TBC1D4: variants seen among roughly 807,000 people sequenced by gnomAD.
The protein encoded by TBC1D4 is TBC (Tre-2, BUB2, CDC16) domain-containing protein.
A neutral mutation model predicts 142.5 loss-of-function variants in TBC1D4; 121 were observed. The observed-to-expected ratio is 0.85, with a 90% CI of 0.73 to 0.99. TBC1D4 has a LOEUF of 0.99. TBC1D4 is among the 50% of genes least tolerant of loss of function. The probability of loss-of-function intolerance (pLI) is 0.00; values close to 1 mark genes in which losing one functional copy is unlikely to be tolerated. For synonymous variants in TBC1D4, 630 were observed against 628.2 expected, an observed-to-expected ratio of 1.00 and a Z score of -0.04; for missense variants, 1,475 against 1,606.6, an observed-to-expected ratio of 0.92 and a Z score of 1.40.
intron 14 of TBC1D4, among the ~76,000 whole-genome samples, chr13:75,308,884 C>T (rs1323585188): frequency 6.6e-6 from 1 of 151,842 alleles, no homozygotes; most frequent in Non-Finnish European, 1.5e-5. Flanking sequence ...CTGCTAACAG[C>T]GATTTTAAAA....
At chr13:75,305,057 G>A (rs946164974) in intron 15 of TBC1D4, among the ~76,000 whole-genome samples, 2 of 152,120 alleles carry the variant, frequency 1.3e-5, no homozygotes. Context: ...AATCATGGGG[G>A]CAGTTTCCCC....
In TBC1D4 at chr13:75,315,533, A is replaced by G. The variant is rs542215126; in HGVS notation, c.2223-2635T>C. Among the ~76,000 whole-genome samples the G allele has an allele frequency of 2.6e-5, 4 of 152,064 alleles. No homozygotes were observed. In the East Asian group the frequency reaches 7.7e-4, roughly 29 times the overall value. On this transcript the variant is annotated intron_variant, in intron 12 of 20. Coordinates refer to ENST00000377636, the MANE Select transcript of TBC1D4 (RefSeq NM_014832.5). ...GTTCTATATATAATAGTTACAACCCAATAAATACAGTTGAAGTACTCATTA... is the reference window on the plus strand; with the variant it reads ...GTTCTATATATAATAGTTACAACCCGATAAATACAGTTGAAGTACTCATTA...
chr13:75,357,503 G>A (rs539211217), intron 3 of TBC1D4, among the ~76,000 whole-genome samples: 1 of 152,152 alleles, frequency 6.6e-6, no homozygotes, highest in East Asian at 1.9e-4. Context: ...CAGCCACACT[G>A]GCCTCAATTT....
intron 1 of TBC1D4, chr13:75,375,772 C>T (rs972475426): frequency 4.0e-5 from 5 of 125,764 alleles, no homozygotes; most frequent in South Asian, 2.4e-4. Context: ...CCCCACCCCC[C>T]CCACACACAC....
At chr13:75,347,660 T>G (rs1881259071) in intron 5 of TBC1D4, among the ~76,000 whole-genome samples, 1 of 152,202 alleles carries the variant, frequency 6.6e-6, no homozygotes, top group African/African-American at 2.4e-5. Context: ...ATCTTTGCCC[T>G]TTTGGGATGG....
chr13:75,460,460 C>T (rs1887920405), intron 1 of TBC1D4, among the ~76,000 whole-genome samples: 1 of 152,060 alleles, frequency 6.6e-6, no homozygotes, highest in South Asian at 2.1e-4. Context: ...ACAAAAAGAC[C>T]AATGTGTGTA....
At chr13:75,314,513 A>T (rs191911482) in intron 12 of TBC1D4, among the ~76,000 whole-genome samples, 20 of 152,020 alleles carry the variant, frequency 1.3e-4, no homozygotes, top group Admixed American at 2.6e-4. Context: ...AATTAAAGTT[A>T]AAAAAAAGAC....
At chr13:75,380,171 G>A (rs1023792907) in intron 1 of TBC1D4, among the ~76,000 whole-genome samples, 4 of 150,474 alleles carry the variant, frequency 2.7e-5, no homozygotes, top group African/African-American at 2.4e-5. Context: ...GAGCCACCGC[G>A]CCTAGCCTCA....
chr13:75,381,964 A>G (rs1019712941), intron 1 of TBC1D4, among the ~76,000 whole-genome samples: 1 of 152,224 alleles, frequency 6.6e-6, no homozygotes, highest in Admixed American at 6.5e-5. Flanking sequence ...ACACAACATA[A>G]TATTTGTAAC....
chr13:75,345,051 G>A (rs1193184130), intron 5 of TBC1D4, among the ~76,000 whole-genome samples: 2 of 152,188 alleles, frequency 1.3e-5, no homozygotes, highest in Non-Finnish European at 2.9e-5. Flanking sequence ...TCCAGGCCCT[G>A]AGGGTCCCTG....
chr13:75,455,137 G>A (rs550258212), intron 1 of TBC1D4, among the ~76,000 whole-genome samples: 96 of 152,058 alleles, frequency 6.3e-4, no homozygotes, highest in Non-Finnish European at 1.3e-3. Flanking sequence ...ACAGCTCAAT[G>A]AGAACTGGAG....
intron 1 of TBC1D4, among the ~76,000 whole-genome samples, chr13:75,442,114 T>G (rs1339289276): frequency 6.6e-6 from 1 of 152,218 alleles, no homozygotes; most frequent in African/African-American, 2.4e-5. Context: ...GTACTCTTTT[T>G]AACCTCCTCA....
In TBC1D4 at chr13:75,303,045, C is replaced by T. The variant is rs571654182; in HGVS notation, c.2753-644G>A. 9.9e-5 allele frequency among the ~76,000 whole-genome samples: 15 copies of T among 152,262 alleles called. No homozygotes were observed. The South Asian group carries it at 2.5e-3, about 25-fold the overall frequency. On this transcript the variant is annotated intron_variant, in intron 15 of 20. Transcript: ENST00000377636. The stretch of plus-strand genomic sequence containing the variant: ...TAAAAATGAAAGAATAGGCCAGGTA[C>T]GGTGGCTCATGCCTGTAATCCCAAC...
intron 1 of TBC1D4, among the ~76,000 whole-genome samples, chr13:75,379,884 ACT>A (rs199766402): frequency 1.2e-4 from 7 of 57,104 alleles, no homozygotes; most frequent in South Asian, 1.5e-3. Context: ...TGTTCATCTG[ACT>A]CTTTTTTTTT....
At chr13:75,382,936 C>T (rs2138263393) in intron 1 of TBC1D4, among the ~76,000 whole-genome samples, 1 of 152,246 alleles carries the variant, frequency 6.6e-6, no homozygotes, top group Non-Finnish European at 1.5e-5. Context: ...TTTACATGAA[C>T]CTCACATTAT....
chr13:75,336,138 C>T (rs774959862), intron 8 of TBC1D4, among the ~76,000 whole-genome samples: 1 of 152,166 alleles, frequency 6.6e-6, no homozygotes, highest in African/African-American at 2.4e-5. Context: ...GTGGCTCACA[C>T]CTGTAATCCC....
At chr13:75,405,981 A>G (rs1048899777) in intron 1 of TBC1D4, among the ~76,000 whole-genome samples, 1 of 152,076 alleles carries the variant, frequency 6.6e-6, no homozygotes, top group South Asian at 2.1e-4. Context: ...TCCTTGCACA[A>G]CTCTCTTCCC....
chr13:75,294,063 C>T (rs993880298), intron 18 of TBC1D4, among the ~76,000 whole-genome samples: 2 of 152,174 alleles, frequency 1.3e-5, no homozygotes, highest in African/African-American at 4.8e-5. Context: ...AGGTCCTAAA[C>T]AACATCATTA....
At chr13:75,415,568 A>G (rs779708269) in intron 1 of TBC1D4, among the ~76,000 whole-genome samples, 13 of 152,232 alleles carry the variant, frequency 8.5e-5, no homozygotes, top group Admixed American at 5.9e-4. Context: ...GACAAACTAT[A>G]TATCACACTA....
Sources: allele counts gnomAD v4.1 joint callset (sites outside exome capture counted in the v4.1 genomes callset), GRCh38; gene constraint gnomAD v4.1.1; transcripts MANE v1.5; gene names NCBI Gene and HGNC (gene_info 2026-07-23, HGNC 2026-07-21).